Variants in IL1RAPL1 observed in about 807,000 individuals in gnomAD.
IL1RAPL1 encodes the protein interleukin-1 receptor accessory protein-like 1.
A neutral mutation model predicts 48.4 loss-of-function variants in IL1RAPL1; 3 were observed. The ratio of observed to expected loss-of-function variants is 0.06; its 90% CI spans 0.03 to 0.16. The LOEUF (loss-of-function observed/expected upper bound fraction) is 0.16. IL1RAPL1 is among the 10% of genes least tolerant of loss of function. The pLI is 1.00. For synonymous variants in IL1RAPL1, 185 were observed against 187.7 expected, an observed-to-expected ratio of 0.99 and a Z score of 0.12; for missense variants, 349 against 530.6, an observed-to-expected ratio of 0.66 and a Z score of 3.36.
rs138993467 is a variant in IL1RAPL1 at position 28,643,423 on chromosome X, A to G, written c.-25+55376A>G. Reference sequence around the variant, plus strand: ...TTAGCCTTGGAAGTCACATACCATCACGTCTACAATATCCTATTAGTTACA... The same window carrying G: ...TTAGCCTTGGAAGTCACATACCATCGCGTCTACAATATCCTATTAGTTACA... On this transcript the variant is annotated intron_variant, in intron 1 of 10. Transcript: ENST00000378993. Among the ~76,000 whole-genome samples, 298 of 111,198 alleles carry G rather than the reference A, an allele frequency of 2.7e-3. 6 individuals are homozygous for G. The East Asian group carries it at 0.03, about 11-fold the overall frequency.
intron 5 of IL1RAPL1, among the ~76,000 whole-genome samples, chrX:29,586,305 C>A (rs984969644): frequency 9.0e-6 from 1 of 111,367 alleles, no homozygotes; most frequent in Non-Finnish European, 1.9e-5. Flanking sequence ...AATAGACTGT[C>A]CTTTCTCCAT....
intron 6 of IL1RAPL1, among the ~76,000 whole-genome samples, chrX:29,777,073 T>C (rs1929216840): frequency 2.7e-5 from 3 of 112,147 alleles, no homozygotes; most frequent in Admixed American, 9.5e-5. Flanking sequence ...TCTCTAATTT[T>C]GGCAGTAATC....
intron 3 of IL1RAPL1, among the ~76,000 whole-genome samples, chrX:29,368,590 CT>C (rs894805840): frequency 1.4e-3 from 124 of 87,633 alleles, no homozygotes; most frequent in Middle Eastern, 5.9e-3. Flanking sequence ...CTTTTTCTTT[CT>C]TTTTTTTTTT....
At chrX:29,878,357 T>C (rs1298799924) in intron 6 of IL1RAPL1, among the ~76,000 whole-genome samples, 2 of 112,295 alleles carry the variant, frequency 1.8e-5, no homozygotes, top group African/African-American at 6.5e-5. Flanking sequence ...GCTTTCTTTA[T>C]TGGGAACTAG....
At chrX:29,144,730 CTT>C in intron 2 of IL1RAPL1, among the ~76,000 whole-genome samples, 1 of 94,120 alleles carries the variant, frequency 1.1e-5, no homozygotes. Context: ...TGTTGATCTT[CTT>C]TTTTTTTTTT....
At chrX:29,748,656 G>A (rs1387961985) in intron 6 of IL1RAPL1, among the ~76,000 whole-genome samples, 1 of 112,980 alleles carries the variant, frequency 8.9e-6, no homozygotes, top group Non-Finnish European at 1.9e-5. Flanking sequence ...CAAAACCTAG[G>A]TTTTTGGCCC....
At chrX:29,663,140 A>G (rs1420240544) in intron 5 of IL1RAPL1, among the ~76,000 whole-genome samples, 2 of 112,238 alleles carry the variant, frequency 1.8e-5, no homozygotes, top group East Asian at 5.5e-4. Context: ...CAAAACTGAA[A>G]TTCCACTCTT....
intron 3 of IL1RAPL1, among the ~76,000 whole-genome samples, chrX:29,378,574 G>C (rs1256155747): frequency 8.9e-6 from 1 of 112,197 alleles, no homozygotes; most frequent in Non-Finnish European, 1.9e-5. Flanking sequence ...GAGGGTCAAG[G>C]TTCTGTATAA....
chrX:29,481,072 A>G (rs1343380605), intron 5 of IL1RAPL1, among the ~76,000 whole-genome samples: 1 of 112,471 alleles, frequency 8.9e-6, no homozygotes, highest in Non-Finnish European at 1.9e-5. Context: ...ATGATAAATA[A>G]CAAACTAAAA....
chrX:29,176,517 T>G (rs1443193902), intron 2 of IL1RAPL1, among the ~76,000 whole-genome samples: 4 of 110,776 alleles, frequency 3.6e-5, no homozygotes, highest in African/African-American at 1.3e-4. Context: ...CCTCAACTGT[T>G]TTATAAATGC....
intron 6 of IL1RAPL1, among the ~76,000 whole-genome samples, chrX:29,738,278 T>C (rs1157304618): frequency 9.0e-6 from 1 of 110,649 alleles, no homozygotes; most frequent in Non-Finnish European, 1.9e-5. Context: ...AGCAGTGGCT[T>C]CTGTGGAGCT....
intron 5 of IL1RAPL1, among the ~76,000 whole-genome samples, chrX:29,445,946 T>C (rs947928393): frequency 1.8e-5 from 2 of 111,953 alleles, no homozygotes; most frequent in Non-Finnish European, 3.8e-5. Flanking sequence ...ATTTATGAAT[T>C]CCAAAATCAA....
chrX:28,725,361 C>G (rs1935658961), intron 1 of IL1RAPL1, among the ~76,000 whole-genome samples: 2 of 111,985 alleles, frequency 1.8e-5, no homozygotes, highest in African/African-American at 6.5e-5. Context: ...CTGAAAGCTT[C>G]TTTGACAAGA....
chrX:29,229,144 A>G (rs1446928378), intron 2 of IL1RAPL1, among the ~76,000 whole-genome samples: 1 of 112,041 alleles, frequency 8.9e-6, no homozygotes, highest in Non-Finnish European at 1.9e-5. Flanking sequence ...TTCTCCTTTT[A>G]AAGAAGTGTT....
intron 2 of IL1RAPL1, among the ~76,000 whole-genome samples, chrX:29,211,550 A>G (rs749505177): frequency 1.1e-3 from 120 of 111,839 alleles, no homozygotes; most frequent in Non-Finnish European, 2.0e-3. Context: ...CGCTGCCACC[A>G]TGATGACTTG....
rs145026557 is a variant in IL1RAPL1 at position 28,679,463 on chromosome X, G to C, written c.-25+91416G>C. On this transcript the variant is annotated intron_variant, in intron 1 of 10. Coordinates refer to ENST00000378993, the MANE Select transcript of IL1RAPL1 (RefSeq NM_014271.4). ...TTGTTTGCTGTGTAGAAGCTTTTTA[G>C]CTTGATGTAATCTCACTTGTCCTTG... Among the ~76,000 whole-genome samples the C allele has an allele frequency of 1.5e-4, 17 of 110,243 alleles. No individual in the cohort carries two copies. In the East Asian group the frequency reaches 4.6e-3, roughly 30 times the overall value.
intron 3 of IL1RAPL1, among the ~76,000 whole-genome samples, chrX:29,310,122 AAAAAAAAG>A (rs1224506500): frequency 8.4e-4 from 75 of 89,421 alleles, no homozygotes; most frequent in Non-Finnish European, 1.3e-3. Context: ...AAAAAAAAAA[AAAAAAAAG>A]AAAGGAAAAA....
At chrX:29,691,875 A>G (rs1477874339) in intron 6 of IL1RAPL1, among the ~76,000 whole-genome samples, 1 of 112,069 alleles carries the variant, frequency 8.9e-6, no homozygotes, top group Non-Finnish European at 1.9e-5. Context: ...AAACACTACA[A>G]TCATAATACG....
chrX:29,539,691 T>C (rs1921366865), intron 5 of IL1RAPL1, among the ~76,000 whole-genome samples: 1 of 110,903 alleles, frequency 9.0e-6, no homozygotes, highest in Non-Finnish European at 1.9e-5. Context: ...TCCCCGTCTC[T>C]TTCTTCTTCC....
Sources: allele counts gnomAD v4.1 joint callset (sites outside exome capture counted in the v4.1 genomes callset), GRCh38; gene constraint gnomAD v4.1.1; transcripts MANE v1.5; gene names NCBI Gene and HGNC (gene_info 2026-07-23, HGNC 2026-07-21).